Variants in GABBR2 observed in about 807,000 individuals in gnomAD.
GABBR2 encodes G-protein coupled receptor 51.
In GABBR2, 23 loss-of-function variants were observed where a neutral mutation model predicts 105.6. The observed-to-expected ratio is 0.22, with a 90% confidence interval of 0.16 to 0.31. The LOEUF is 0.31. GABBR2 is among the 10% of genes least tolerant of loss of function. GABBR2 has a pLI of 1.00. For missense variants in GABBR2, 734 were observed against 1,245.5 expected, an observed-to-expected ratio of 0.59 and a Z score of 6.18; for synonymous variants, 478 against 499.7, an observed-to-expected ratio of 0.96 and a Z score of 0.58.
intron 1 of GABBR2, among the ~76,000 whole-genome samples, chr9:98,582,011 G>A (rs1829009890): frequency 6.6e-6 from 1 of 152,146 alleles, no homozygotes; most frequent in Non-Finnish European, 1.5e-5. Context: ...ATCTTACAAC[G>A]TTCCCAAATA....
At chr9:98,499,720 C>T (rs1038873334) in intron 3 of GABBR2, among the ~76,000 whole-genome samples, 1 of 152,174 alleles carries the variant, frequency 6.6e-6, no homozygotes, top group Non-Finnish European at 1.5e-5. Flanking sequence ...TTTATAAATG[C>T]CTAGGTTTCC....
rs1260483747 is a variant in GABBR2 at position 98,454,822 on chromosome 9, C to T, written c.1000-605G>A. Among the ~76,000 whole-genome samples the T allele has an allele frequency of 6.6e-6, 1 of 151,506 alleles. No individual in the cohort carries two copies. Among genetic ancestry groups the T allele is most frequent in the African/African-American group, 2.4e-5 (1 of 41,302 alleles). Reference sequence around the variant, plus strand: ...GCCCAGCCAGGCTCAGTCCATACCTCCTTCCCCTTCTAGCATCAGTAGCTC... The same window carrying T: ...GCCCAGCCAGGCTCAGTCCATACCTTCTTCCCCTTCTAGCATCAGTAGCTC... On this transcript the variant is annotated intron_variant, in intron 6 of 18. Coordinates refer to ENST00000259455, the MANE Select transcript of GABBR2 (RefSeq NM_005458.8). This position sits in a 1 kb window ranked among gnomAD's most constrained non-coding sequence, Gnocchi z 4.6.
intron 1 of GABBR2, among the ~76,000 whole-genome samples, chr9:98,633,803 T>C (rs1400525905): frequency 6.6e-6 from 1 of 152,034 alleles, no homozygotes; most frequent in African/African-American, 2.4e-5. Context: ...GCAAGGTGGA[T>C]GGAGAGTCCC....
intron 6 of GABBR2, among the ~76,000 whole-genome samples, chr9:98,468,257 T>C (rs1826600584): frequency 6.6e-6 from 1 of 152,158 alleles, no homozygotes; most frequent in African/African-American, 2.4e-5. Flanking sequence ...TGGGGACAGC[T>C]GGATGCTAGA....
At chr9:98,477,014 C>T (rs1275269689) in intron 5 of GABBR2, among the ~76,000 whole-genome samples, 1 of 152,180 alleles carries the variant, frequency 6.6e-6, no homozygotes, top group Non-Finnish European at 1.5e-5. Flanking sequence ...TGCAGTATTC[C>T]TATGGTCAGA....
chr9:98,489,614 C>A (rs994142530), intron 4 of GABBR2, among the ~76,000 whole-genome samples: 1 of 152,090 alleles, frequency 6.6e-6, no homozygotes, highest in African/African-American at 2.4e-5. Flanking sequence ...ATTATTTAGT[C>A]TTTTCTCTAT....
chr9:98,338,840 C>T (rs74702399), intron 13 of GABBR2, among the ~76,000 whole-genome samples: 4,965 of 152,264 alleles, frequency 0.033, 118 homozygotes, highest in South Asian at 0.07. Context: ...TGAATGCTCA[C>T]ATTAGCATTA....
chr9:98,423,936 G>C (rs888163421), intron 7 of GABBR2, among the ~76,000 whole-genome samples: 2 of 152,152 alleles, frequency 1.3e-5, no homozygotes, highest in African/African-American at 4.8e-5. Flanking sequence ...CGTTATTTCT[G>C]AGGGCTCCGT....
At chr9:98,585,704 T>TTCAGGTAGTCTAACTTCAGAGCA (rs368149116) in intron 1 of GABBR2, among the ~76,000 whole-genome samples, 3 of 90,872 alleles carry the variant, frequency 3.3e-5, no homozygotes, top group African/African-American at 4.0e-5. Flanking sequence ...ATGTCAAGGA[T>TTCAGGTAGTCTAACTTCAGAGCA]CTTATTCATG....
At chr9:98,360,386 C>T (rs369022072) in intron 13 of GABBR2, among the ~76,000 whole-genome samples, 1 of 152,050 alleles carries the variant, frequency 6.6e-6, no homozygotes, top group African/African-American at 2.4e-5. Flanking sequence ...GACAGGCCAA[C>T]CCTAAAATAA....
chr9:98,601,490 C>T (rs182496193), intron 1 of GABBR2, among the ~76,000 whole-genome samples: 149 of 152,126 alleles, frequency 9.8e-4, no homozygotes, highest in African/African-American at 3.3e-3. Context: ...GCACTCCAAC[C>T]TGGAGGATGA....
chr9:98,592,869 C>T (rs1829166269), intron 1 of GABBR2, among the ~76,000 whole-genome samples: 1 of 152,212 alleles, frequency 6.6e-6, no homozygotes, highest in African/African-American at 2.4e-5. Flanking sequence ...GAGGTTGGGG[C>T]AGCCTCTGGT....
intron 8 of GABBR2, among the ~76,000 whole-genome samples, chr9:98,401,320 C>T (rs1180879168): frequency 6.6e-6 from 1 of 152,162 alleles, no homozygotes; most frequent in African/African-American, 2.4e-5. Flanking sequence ...AATGAGTTCC[C>T]CATCACTGGA....
chr9:98,508,721 C>T (rs191728454), intron 3 of GABBR2, among the ~76,000 whole-genome samples: 13 of 152,212 alleles, frequency 8.5e-5, no homozygotes, highest in South Asian at 4.2e-4. Flanking sequence ...GGGGGAGGGG[C>T]GCCCGCCACT....
chr9:98,597,563 G>A (rs1174287990), intron 1 of GABBR2, among the ~76,000 whole-genome samples: 1 of 152,148 alleles, frequency 6.6e-6, no homozygotes, highest in Non-Finnish European at 1.5e-5. Context: ...GAGGGAAGCT[G>A]GGCTTGAGGC....
At position 98,383,706 on chromosome 9, in the gene GABBR2, T is replaced by C. The variant is rs1188761320; in HGVS notation, c.1662+1934A>G. 2.0e-5 allele frequency among the ~76,000 whole-genome samples: 3 copies of C among 152,340 alleles called. No individual in the cohort carries two copies. In the East Asian group the frequency reaches 5.8e-4, roughly 29 times the overall value. On this transcript the variant is annotated intron_variant, in intron 11 of 18. Transcript: ENST00000259455. The stretch of plus-strand genomic sequence containing the variant: ...AGACAGCTCACAGTGAAGTTACTGG[T>C]AACAGGAACAATTTCTCGATGATGT...
intron 12 of GABBR2, among the ~76,000 whole-genome samples, chr9:98,369,160 G>A (rs1221157440): frequency 6.6e-6 from 1 of 152,248 alleles, no homozygotes; most frequent in East Asian, 1.9e-4. Context: ...GGGGTGGCCA[G>A]GCCTCTCATC....
At chr9:98,520,119 T>C (rs1481040793) in intron 3 of GABBR2, among the ~76,000 whole-genome samples, 1 of 152,154 alleles carries the variant, frequency 6.6e-6, no homozygotes, top group Non-Finnish European at 1.5e-5. Flanking sequence ...TGTCTTTGAG[T>C]TCTTGAAAAG....
chr9:98,539,244 C>G (rs1384465799), intron 3 of GABBR2, among the ~76,000 whole-genome samples: 2 of 152,238 alleles, frequency 1.3e-5, no homozygotes, highest in Non-Finnish European at 2.9e-5. Flanking sequence ...CTCCTCCTTA[C>G]AGGGTGGCTG....
Sources: allele counts gnomAD v4.1 joint callset (sites outside exome capture counted in the v4.1 genomes callset), GRCh38; gene constraint gnomAD v4.1.1; non-coding constraint Gnocchi (gnomAD v3.1); transcripts MANE v1.5; gene names NCBI Gene and HGNC (gene_info 2026-07-23, HGNC 2026-07-21).